The following ZNF462 variants were observed in gnomAD, a reference collection of about 807,000 sequenced individuals.
ZNF462 encodes zinc finger PBX1-interacting protein.
In ZNF462, 10 loss-of-function variants were observed where a neutral mutation model predicts 201.9. That is an observed-to-expected ratio of 0.05 (90% confidence interval 0.03 to 0.08). The LOEUF (loss-of-function observed/expected upper bound fraction) is 0.08, where lower values mean the gene tolerates loss of function less well. Among genes scored for constraint, ZNF462 ranks in the 10% least tolerant of loss-of-function variants. The pLI is 1.00. For missense variants in ZNF462, 2,523 were observed against 3,168.3 expected (o/e 0.80, Z 4.89); for synonymous variants, 1,227 against 1,193.3 (o/e 1.03, Z -0.58).
upstream of ZNF462, among the ~76,000 whole-genome samples, chr9:106,860,471 C>A (rs1020143684): frequency 2.0e-5 from 3 of 152,086 alleles, no homozygotes; most frequent in Non-Finnish European, 4.4e-5. This position sits in a 1 kb window ranked among gnomAD's most constrained non-coding sequence, Gnocchi z 7.1. Context: ...TTCTCCCTCC[C>A]CACCGCCTGG....
intron 7 of ZNF462, among the ~76,000 whole-genome samples, chr9:106,949,314 A>G (rs569129873): frequency 1.3e-5 from 2 of 152,260 alleles, no homozygotes; most frequent in South Asian, 4.1e-4. Context: ...TTCAATAGAT[A>G]TTTCTTAAAT....
chr9:106,976,888 C>G (rs1270167340), intron 9 of ZNF462, among the ~76,000 whole-genome samples: 3 of 152,116 alleles, frequency 2.0e-5, no homozygotes, highest in Non-Finnish European at 4.4e-5. Context: ...CATGAAATGT[C>G]TAGTAAGTAA....
At chr9:106,987,700 C>T (rs1564154799) in intron 10 of ZNF462, among the ~76,000 whole-genome samples, 1 of 152,112 alleles carries the variant, frequency 6.6e-6, no homozygotes, top group African/African-American at 2.4e-5. Flanking sequence ...GTATTTATTG[C>T]ATTTGGTTTT....
At chr9:106,941,925 C>A (rs940832728) in intron 7 of ZNF462, among the ~76,000 whole-genome samples, 2 of 152,158 alleles carry the variant, frequency 1.3e-5, no homozygotes, top group Admixed American at 1.3e-4. Context: ...AGATAGTAGC[C>A]TGTAAATTAG....
intron 7 of ZNF462, among the ~76,000 whole-genome samples, chr9:106,951,637 G>A (rs1258484221): frequency 6.6e-6 from 1 of 152,154 alleles, no homozygotes; most frequent in Non-Finnish European, 1.5e-5. Context: ...AGCCCAGGCA[G>A]AGCAGCTTTC....
At chr9:107,000,800 C>CA (rs1202553637) in intron 10 of ZNF462, among the ~76,000 whole-genome samples, 1 of 151,814 alleles carries the variant, frequency 6.6e-6, no homozygotes, top group East Asian at 1.9e-4. Flanking sequence ...ATACAGTCTT[C>CA]AAAAAAACCC....
At position 106,929,378 on chromosome 9, in the gene ZNF462, A is replaced by T; in HGVS notation, c.5466A>T (p.Glu1822Asp). 1 of 1,614,102 alleles carries T rather than the reference A, an allele frequency of 6.2e-7. No homozygotes were observed. Among genetic ancestry groups the T allele is most frequent in the Non-Finnish European group, 8.5e-7 (1 of 1,180,046 alleles). Residue 1822 changes from glutamate to aspartate, a missense_variant, in exon 3 of 13, where the codon GAA becomes GAT. Physicochemically the swap from Glu to Asp is conservative, Grantham distance 45. Transcript: ENST00000277225. The surrounding 1 kb of genome is among the most constrained non-coding windows in gnomAD (Gnocchi z 8.7). ...AGCATGAGAAGCCCACACTGATGGA[A>T]GAAGAGGAGAGAGGCAACTTTGAGA... ...ADEHEKPTLM[E>D]EEERGNFEKA... is the part of the protein sequence containing the mutation.
rs1475368458 is a variant in ZNF462, at chr9:106,876,343, A to G, written c.-31+12988A>G. ...GTGATAGTTTCTTCCTTCCTCACTGATAGAGAAACTGAGGCAGAGATCTTC... is the reference window on the plus strand; with the variant it reads ...GTGATAGTTTCTTCCTTCCTCACTGGTAGAGAAACTGAGGCAGAGATCTTC... On this transcript the variant is annotated intron_variant, in intron 1 of 12. Transcript: ENST00000277225. This position sits in a 1 kb window ranked among gnomAD's most constrained non-coding sequence, Gnocchi z 4.9. Among the ~76,000 whole-genome samples the G allele has an allele frequency of 6.6e-6, 1 of 152,198 alleles. No homozygotes were observed. The highest frequency in any genetic ancestry group is 1.5e-5 in the Non-Finnish European group (1 of 68,032).
At position 106,919,550 on chromosome 9, in the gene ZNF462, T is replaced by C. The variant is rs961731578; in HGVS notation, c.-30-3804T>C. The stretch of plus-strand genomic sequence containing the variant: ...TGACATCATCTCTGGATGTTCTTTA[T>C]ATCTTAAAGAGTTTGTCAAACATAA... On this transcript the variant is annotated intron_variant, in intron 1 of 12. Coordinates refer to ENST00000277225, the MANE Select transcript of ZNF462 (RefSeq NM_021224.6). The surrounding 1 kb of genome is among the most constrained non-coding windows in gnomAD (Gnocchi z 4.5). 1.3e-5 allele frequency among the ~76,000 whole-genome samples: 2 copies of C among 152,266 alleles called. No individual in the cohort carries two copies. The highest frequency in any genetic ancestry group is 1.9e-4 in the East Asian group (1 of 5,208).
intron 7 of ZNF462, among the ~76,000 whole-genome samples, chr9:106,956,184 T>C (rs147087434): frequency 1.8e-3 from 281 of 152,286 alleles, no homozygotes; most frequent in African/African-American, 6.3e-3. Flanking sequence ...TCTTAAATAG[T>C]AACTCTTGAA....
chr9:106,916,307 C>T (rs1829772317), intron 1 of ZNF462, among the ~76,000 whole-genome samples: 1 of 152,110 alleles, frequency 6.6e-6, no homozygotes, highest in Admixed American at 6.5e-5. Flanking sequence ...GCTGACCAGC[C>T]CCCAGGGAAA....
In ZNF462 at chr9:106,929,169, T is replaced by A. The variant is rs1461572401; in HGVS notation, c.5257T>A (p.Ser1753Thr). The change falls in exon 3 of 13, where the codon TCC becomes ACC. Residue 1753 changes from serine to threonine, a missense_variant. This residue lies in a region of ZNF462 where 207 missense variants were observed against 231.6 expected (regional missense o/e 0.89). Transcript: ENST00000277225. The surrounding 1 kb of genome is among the most constrained non-coding windows in gnomAD (Gnocchi z 8.7). ...VIIPSPPKDD[S>T]PQLSEELRRA... ...CATCCCATCCCCGCCCAAGGACGAC[T>A]CCCCTCAGCTGAGCGAGGAACTCCG... The A allele has an allele frequency of 6.2e-7, 1 of 1,613,940 alleles. No homozygotes were observed. Among genetic ancestry groups the A allele is most frequent in the South Asian group, 1.1e-5 (1 of 91,082 alleles).
chr9:106,911,448 T>C (rs1261541973), intron 1 of ZNF462, among the ~76,000 whole-genome samples: 1 of 152,158 alleles, frequency 6.6e-6, no homozygotes, highest in Non-Finnish European at 1.5e-5. Flanking sequence ...TCTTAAAACT[T>C]GCTTGGGCCT....
In ZNF462 at chr9:106,905,582, G is replaced by A. The variant is rs1829234338; in HGVS notation, c.-30-17772G>A. On this transcript the variant is annotated intron_variant, in intron 1 of 12. Coordinates refer to ENST00000277225, the MANE Select transcript of ZNF462 (RefSeq NM_021224.6). The surrounding 1 kb of genome is among the most constrained non-coding windows in gnomAD (Gnocchi z 5.9). ...TGTGTCTGAGCTTAGACTCTCCTTG[G>A]GCAGGTCTTGCTGCGGCTGCTGTGG... Among the ~76,000 whole-genome samples, 2 of 152,124 alleles carry A rather than the reference G, an allele frequency of 1.3e-5. No homozygotes were observed. Among genetic ancestry groups the A allele is most frequent in the African/African-American group, 4.8e-5 (2 of 41,416 alleles).
At position 106,913,556 on chromosome 9, in the gene ZNF462, A is replaced by G. The variant is rs1829639022; in HGVS notation, c.-30-9798A>G. ...ACACATTGGAGAGGAGAACATATGCATTGTTTTTCACAGAAATTTTAGTCA... is the reference window on the plus strand; with the variant it reads ...ACACATTGGAGAGGAGAACATATGCGTTGTTTTTCACAGAAATTTTAGTCA... On this transcript the variant is annotated intron_variant, in intron 1 of 12. Transcript: ENST00000277225. This position sits in a 1 kb window ranked among gnomAD's most constrained non-coding sequence, Gnocchi z 4.1. Among the ~76,000 whole-genome samples the G allele has an allele frequency of 6.6e-6, 1 of 151,936 alleles. No individual in the cohort carries two copies. Among genetic ancestry groups the G allele is most frequent in the African/African-American group, 2.4e-5 (1 of 41,364 alleles).
chr9:106,940,897 AAAATCTAACTTG>A (rs1830841697), intron 7 of ZNF462, among the ~76,000 whole-genome samples: 1 of 152,202 alleles, frequency 6.6e-6, no homozygotes, highest in Admixed American at 6.5e-5. Flanking sequence ...CCAGAAGGGC[AAAATCTAACTTG>A]ACTCAAATTG....
intron 7 of ZNF462, among the ~76,000 whole-genome samples, chr9:106,952,641 T>C (rs1323456060): frequency 1.3e-5 from 2 of 152,250 alleles, no homozygotes; most frequent in African/African-American, 4.8e-5. Flanking sequence ...TCTAATGGGC[T>C]AGTGGAATGC....
chr9:106,909,528 A>G (rs1829453044), intron 1 of ZNF462, among the ~76,000 whole-genome samples: 1 of 152,168 alleles, frequency 6.6e-6, no homozygotes, highest in African/African-American at 2.4e-5. Context: ...TTTTGAAGAA[A>G]AGTTACTTAC....
In ZNF462 at chr9:106,932,651, C is replaced by A; in HGVS notation, c.6116+102C>A. 1 of 1,439,910 alleles carries A rather than the reference C, an allele frequency of 6.9e-7. No individual in the cohort carries two copies. The highest frequency in any genetic ancestry group is 2.4e-5 in the East Asian group (1 of 41,706). 89.2% of individuals were successfully genotyped at this position (1,439,910 alleles called of 1,614,324 possible). On this transcript the variant is annotated intron_variant, in intron 5 of 12. Transcript: ENST00000277225. The surrounding 1 kb of genome is among the most constrained non-coding windows in gnomAD (Gnocchi z 6.8). ...CTTGGATGAGTAAGAAGGCCCCACT[C>A]ATGGTTCACACCTGCTGCTATGTTA... is the stretch of plus-strand genomic sequence containing the variant.
Sources: gnomAD v4.1 joint callset for allele counts (sites outside exome capture counted in the v4.1 genomes callset) on GRCh38, gnomAD v4.1.1 for gene constraint, gnomAD v4.1.1 regional missense constraint, Gnocchi (gnomAD v3.1) non-coding constraint, MANE v1.5 for transcripts, NCBI Gene and HGNC (gene_info 2026-07-23, HGNC 2026-07-21) for gene names.